Variants in SIX5 observed in about 807,000 individuals in gnomAD.
The protein encoded by SIX5 is homeobox protein SIX5.
SIX5 carries 21 observed loss-of-function variants against 37.1 expected under a neutral mutation model. The ratio of observed to expected loss-of-function variants is 0.57; its 90% confidence interval spans 0.40 to 0.81. The LOEUF (loss-of-function observed/expected upper bound fraction) is 0.81, where lower values mean the gene tolerates loss of function less well. Among genes scored for constraint, SIX5 ranks in the 40% least tolerant of loss-of-function variants. The pLI is 0.00. For synonymous variants in SIX5, 626 were observed against 505.9 expected (o/e 1.24, Z -3.19); for missense variants, 1,137 against 1,025.1 (o/e 1.11, Z -1.49).
At position 45,765,532 on chromosome 19, in the gene SIX5, G is replaced by A. The variant is rs150045306; in HGVS notation, c.2189C>T (p.Ser730Leu). Residue 730 changes from serine (S) to leucine (L), a missense_variant, in exon 3 of 3, where the codon TCG (serine) becomes TTG (leucine). Coordinates refer to ENST00000317578, the MANE Select transcript of SIX5 (RefSeq NM_175875.5). Reference protein sequence around the residue: ...AEAKVLTQLQSVPVEEPLEL With the variant: ...AEAKVLTQLQLVPVEEPLEL ...TTCCAAGGGCTCCTCCACAGGCACCGACTGGAGCTGGGTCAGAACCTTGGC... is the reference window on the plus strand; with the variant it reads ...TTCCAAGGGCTCCTCCACAGGCACCAACTGGAGCTGGGTCAGAACCTTGGC... The A allele has an allele frequency of 7.4e-5, 119 of 1,613,280 alleles. 1 individual carries two copies. The highest frequency in any genetic ancestry group is 1.7e-4 in the Middle Eastern group (1 of 6,054).
chr19:45,769,109 C>T lies in SIX5; in HGVS notation c.-265G>A. On this transcript the variant is annotated 5_prime_UTR_variant, in exon 1 of 3. Coordinates refer to ENST00000317578, the MANE Select transcript of SIX5 (RefSeq NM_175875.5). Reference sequence around the variant, plus strand: ...GCCTCTGGCCGCGCTTTCTGCCTCCCCCCAGCGTGTGCTTCTGGCTCAGGG... The same window carrying T: ...GCCTCTGGCCGCGCTTTCTGCCTCCTCCCAGCGTGTGCTTCTGGCTCAGGG... The T allele has an allele frequency of 4.0e-6, 2 of 500,674 alleles. No homozygotes were observed. The highest frequency in any genetic ancestry group is 5.3e-4 in the Middle Eastern group (1 of 1,892). The allele number at this position is 500,674 out of a possible 1,614,324, so 31.0% of individuals were successfully genotyped here.
intron 1 of SIX5, 76 bp from the exon 2 acceptor site, chr19:45,767,231 C>A (rs548263982): frequency 1.1e-5 from 16 of 1,476,770 alleles, no homozygotes; most frequent in Non-Finnish European, 1.4e-5. Flanking sequence ...GCTGCTCCCC[C>A]ACCTTTCCCT....
chr19:45,765,253 T>G lies in SIX5; in HGVS notation c.*248A>C. 1 of 590,366 alleles carries G rather than the reference T, an allele frequency of 1.7e-6. No homozygotes were observed. Among genetic ancestry groups the G allele is most frequent in the Non-Finnish European group, 3.0e-6 (1 of 329,076 alleles). 36.6% of individuals were successfully genotyped at this position (590,366 alleles called of 1,614,324 possible). A position where few individuals can be genotyped will look rare whatever the true frequency, so the allele number is the denominator to read the frequency against. On this transcript the variant is annotated 3_prime_UTR_variant, in exon 3 of 3. Coordinates refer to ENST00000317578, the MANE Select transcript of SIX5 (RefSeq NM_175875.5). ...GAGTCAGGACCCTGAGTCCCCCACG[T>G]ATATGGCAGGGCACAGCATGGGGAG...
At position 45,768,076 on chromosome 19, in the gene SIX5, G is replaced by T. The variant is rs1229558496; in HGVS notation, c.769C>A (p.Arg257=). The part of the protein sequence containing the change: ...NWFKNRRQRD[R]TGAGGGAPCK... ...GGCGCGCCGCCTCCGGCCCCGGTCCGGTCGCGCTGTCGCCGGTTCTTGAAC... is the reference window on the plus strand; with the variant it reads ...GGCGCGCCGCCTCCGGCCCCGGTCCTGTCGCGCTGTCGCCGGTTCTTGAAC... Residue 257 remains arginine, a synonymous_variant, in exon 1 of 3, where the codon CGG becomes AGG. Coordinates refer to ENST00000317578, the MANE Select transcript of SIX5 (RefSeq NM_175875.5). 9 of 1,599,500 alleles carry T rather than the reference G, an allele frequency of 5.6e-6. No individual in the cohort carries two copies. The highest frequency in any genetic ancestry group is 7.6e-6 in the Non-Finnish European group (9 of 1,177,986).
chr19:45,767,032 G>A lies in SIX5; in HGVS notation c.927C>T (p.Thr309=), dbSNP rs369145249. ...AAGCCGGGCAAGGCGCGGGAGGGCC[G>A]GTCCCTGCCAGGAATATGGAGCCCT... is the stretch of plus-strand genomic sequence containing the variant. ...AAQGSIFLAG[T]GPPAPCPASS... is the part of the protein sequence containing the mutation. Residue 309 remains threonine, a synonymous_variant, in exon 2 of 3, where the codon ACC becomes ACT. Coordinates refer to ENST00000317578, the MANE Select transcript of SIX5 (RefSeq NM_175875.5). 12 of 1,609,350 alleles carry A rather than the reference G, an allele frequency of 7.5e-6. No homozygotes were observed. Among genetic ancestry groups the A allele is most frequent in the Admixed American group, 3.3e-5 (2 of 59,874 alleles).
At position 45,767,889 on chromosome 19, in the gene SIX5, C is replaced by T. The variant is rs958681532; in HGVS notation, c.803+153G>A. The T allele has an allele frequency of 2.2e-4, 172 of 791,424 alleles. No individual in the cohort carries two copies. The East Asian group carries it at 4.6e-3, about 21-fold the overall frequency. The allele number at this position is 791,424 out of a possible 1,614,324, so 49.0% of individuals were successfully genotyped here. On this transcript the variant is annotated intron_variant, in intron 1 of 2. Transcript: ENST00000317578. Reference sequence around the variant, plus strand: ...GTGCCTGTCCCGTCCACACTTAGTCCCCGCGCCCCGCGGGCGCCTGAGATT... The same window carrying T: ...GTGCCTGTCCCGTCCACACTTAGTCTCCGCGCCCCGCGGGCGCCTGAGATT...
chr19:45,764,804 CTT>C lies in SIX5; in HGVS notation c.*695_*696del, dbSNP rs1370250149. 1 of 155,924 alleles carries C rather than the reference CTT, an allele frequency of 6.4e-6. No homozygotes were observed. The highest frequency in any genetic ancestry group is 1.4e-5 in the Non-Finnish European group (1 of 70,120). 9.7% of individuals were successfully genotyped at this position (155,924 alleles called of 1,614,324 possible). A position where few individuals can be genotyped will look rare whatever the true frequency, so the allele number is the denominator to read the frequency against. On this transcript the variant is annotated 3_prime_UTR_variant, in exon 3 of 3. Coordinates refer to ENST00000317578, the MANE Select transcript of SIX5 (RefSeq NM_175875.5). ...CCCTGGTGGTGGTGTAATCCGATAA[CTT>C]TATTTTAATTGAAAATGGAGGCATA...
chr19:45,765,779 G>C lies in SIX5; in HGVS notation c.1942C>G (p.Pro648Ala). 6.2e-7 allele frequency: 1 copy of C among 1,608,082 alleles called. No individual in the cohort carries two copies. Residue 648 changes from proline to alanine, a missense_variant, in exon 3 of 3, where the codon CCG becomes GCG. By Grantham distance (27) the Pro-to-Ala change is conservative. Around this residue, in one of 3 missense-constraint regions of SIX5, gnomAD observed 787 missense variants for 621.4 expected, o/e 1.27. Transcript: ENST00000317578. The part of the protein sequence containing the change: ...PDSPGLLPNF[P>A]APPPEGLMLS... ...ATCAGCCCCTCTGGTGGGGGCGCCG[G>C]GAAGTTGGGCAGGAGGCCAGGGGAG... is the stretch of plus-strand genomic sequence containing the variant.
At position 45,768,279 on chromosome 19, in the gene SIX5, C is replaced by T. The variant is rs766572452; in HGVS notation, c.566G>A (p.Arg189His). Reference sequence around the variant, plus strand: ...GGTCTTGGGCAGCGGGAACTTCTTGCGCAGTCGATACTTGTCCACTGCGCC... The same window carrying T: ...GGTCTTGGGCAGCGGGAACTTCTTGTGCAGTCGATACTTGTCCACTGCGCC... ...ALGAVDKYRL[R>H]KKFPLPKTIW... The change falls in exon 1 of 3, where the codon CGC (arginine) becomes CAC (histidine). Residue 189 changes from arginine to histidine, a missense_variant. Physicochemically the swap from Arg to His is conservative, Grantham distance 29 (BLOSUM62 0). This residue lies in a region of SIX5 where 331 missense variants were observed against 360.9 expected (regional missense o/e 0.92). Transcript: ENST00000317578. The T allele has an allele frequency of 1.9e-6, 3 of 1,612,428 alleles. No individual in the cohort carries two copies. Among genetic ancestry groups the T allele is most frequent in the South Asian group, 1.1e-5 (1 of 90,920 alleles).
intron 1 of SIX5, chr19:45,767,817 T>G (rs936368014): frequency 1.7e-6 from 1 of 581,366 alleles, no homozygotes; most frequent in Non-Finnish European, 3.0e-6. Flanking sequence ...GAGCTCGGAA[T>G]GGAGCCGCTG....
Position 45,765,765 on chromosome 19 carries a change from T to C in SIX5, c.1956A>G (p.Pro652=), listed in dbSNP as rs1969056613. The C allele has an allele frequency of 1.2e-6, 2 of 1,609,702 alleles. No individual in the cohort carries two copies. Among genetic ancestry groups the C allele is most frequent in the Admixed American group, 1.7e-5 (1 of 60,014 alleles). ...CCGCGGGTGACAACATCAGCCCCTC[T>C]GGTGGGGGCGCCGGGAAGTTGGGCA... The part of the protein sequence containing the change: ...GLLPNFPAPP[P]EGLMLSPAAV... The change falls in exon 3 of 3, where the codon CCA becomes CCG. Residue 652 remains proline, a synonymous_variant. Coordinates refer to ENST00000317578, the MANE Select transcript of SIX5 (RefSeq NM_175875.5).
chr19:45,766,986 C>G lies in SIX5; in HGVS notation c.973G>C (p.Gly325Arg), dbSNP rs779429367. ...GAGCCGCTGGCTGCCAGGAAGCTCC[C>G]GTTCACCAGGATGGAGGAGGAAGCC... The part of the protein sequence containing the change: ...CPASSSILVN[G>R]SFLAASGSPA... The change falls in exon 2 of 3, where the codon GGG becomes CGG. Residue 325 changes from glycine (G) to arginine (R), a missense_variant. Gly to Arg is a moderately radical substitution (Grantham distance 125, BLOSUM62 -2). Transcript: ENST00000317578. 1 of 1,602,232 alleles carries G rather than the reference C, an allele frequency of 6.2e-7. No individual in the cohort carries two copies. Among genetic ancestry groups the G allele is most frequent in the South Asian group, 1.1e-5 (1 of 89,778 alleles).
chr19:45,768,944 G>A lies in SIX5; in HGVS notation c.-100C>T, dbSNP rs1969162659. 4.3e-6 allele frequency: 4 copies of A among 925,074 alleles called. No homozygotes were observed. The highest frequency in any genetic ancestry group is 7.7e-5 in the African/African-American group (2 of 26,068). The allele number at this position is 925,074 out of a possible 1,614,324, so 57.3% of individuals were successfully genotyped here. A position where few individuals can be genotyped will look rare whatever the true frequency, so the allele number is the denominator to read the frequency against. ...TCCCCCCTTTTCGCCCCCACTCCCCGCTCTTCTCGATCTTCTTTCTGGCCG... is the reference window on the plus strand; with the variant it reads ...TCCCCCCTTTTCGCCCCCACTCCCCACTCTTCTCGATCTTCTTTCTGGCCG... On this transcript the variant is annotated 5_prime_UTR_variant, in exon 1 of 3. Transcript: ENST00000317578.
intron 2 of SIX5, 90 bp downstream of exon 2, chr19:45,766,260 C>T: frequency 6.7e-7 from 1 of 1,495,664 alleles, no homozygotes; most frequent in South Asian, 1.2e-5. Context: ...GAGATGCCCT[C>T]CAGGAGCCCA....
chr19:45,765,409 T>C lies in SIX5; in HGVS notation c.*92A>G, dbSNP rs1969048145. 6.3e-7 allele frequency: 1 copy of C among 1,587,598 alleles called. No homozygotes were observed. The highest frequency in any genetic ancestry group is 2.2e-5 in the East Asian group (1 of 44,770). On this transcript the variant is annotated 3_prime_UTR_variant, in exon 3 of 3. Coordinates refer to ENST00000317578, the MANE Select transcript of SIX5 (RefSeq NM_175875.5). The stretch of plus-strand genomic sequence containing the variant: ...GCAGAAGGATGTGGTGACTGGGGTC[T>C]TCAGCAACCGCATTTCTGGGGCTCC...
chr19:45,768,437 C>T lies in SIX5; in HGVS notation c.408G>A (p.Gln136=). ...GGTAGAGCTCGGCGTACTCGCCCCGCTGGAAGGCCACCAGGGCCCGCGCGC... is the reference window on the plus strand; with the variant it reads ...GGTAGAGCTCGGCGTACTCGCCCCGTTGGAAGGCCACCAGGGCCCGCGCGC... ...VLRARALVAF[Q]RGEYAELYRL... is the part of the protein sequence containing the mutation. Residue 136 remains glutamine (Q), a synonymous_variant, in exon 1 of 3, where the codon CAG becomes CAA. Transcript: ENST00000317578. 3 of 1,536,624 alleles carry T rather than the reference C, an allele frequency of 2.0e-6. No homozygotes were observed. Among genetic ancestry groups the T allele is most frequent in the Non-Finnish European group, 8.7e-7 (1 of 1,148,052 alleles).
chr19:45,766,016 T>G lies in SIX5; in HGVS notation c.1705A>C (p.Thr569Pro). The G allele has an allele frequency of 6.2e-7, 1 of 1,608,460 alleles. No individual in the cohort carries two copies. Among genetic ancestry groups the G allele is most frequent in the Admixed American group, 1.7e-5 (1 of 59,366 alleles). ...GKIILTATFP[T>P]SMLVSQVLPP... Reference sequence around the variant, plus strand: ...AGGACCTGGGAGACGAGCATGCTGGTGGGGAAGGTGGCGGTGAGGATGATC... The same window carrying G: ...AGGACCTGGGAGACGAGCATGCTGGGGGGGAAGGTGGCGGTGAGGATGATC... Residue 569 changes from threonine to proline, a missense_variant, in exon 3 of 3, where the codon ACC becomes CCC. By Grantham distance (38) the Thr-to-Pro change is conservative. Coordinates refer to ENST00000317578, the MANE Select transcript of SIX5 (RefSeq NM_175875.5).
At chr19:45,766,222 C>A in intron 2 of SIX5, 111 bp from the exon 3 acceptor site, 1 of 1,502,000 alleles carries the variant, frequency 6.7e-7, no homozygotes, top group South Asian at 1.3e-5. Context: ...TTGTGGTGGG[C>A]CTTGGGGCAC....
Position 45,765,715 on chromosome 19 carries a change from A to G in SIX5, c.2006T>C (p.Leu669Pro). The change falls in exon 3 of 3, where the codon CTG becomes CCG. Residue 669 changes from leucine (L) to proline (P), a missense_variant. Physicochemically the swap from Leu to Pro is moderately conservative, Grantham distance 98 (BLOSUM62 -3). Around this residue, in one of 3 missense-constraint regions of SIX5, gnomAD observed 787 missense variants for 621.4 expected, o/e 1.27. Transcript: ENST00000317578. ...CCCCTCTGTTCCTGCGCTTAGTTCC[A>G]GCCCTGCTGACCAGACAGGCACGGC... ...PAAVPVWSAGLELSAGTEGLL... is the reference protein window; with the variant it reads ...PAAVPVWSAGPELSAGTEGLL... 1 of 1,612,874 alleles carries G rather than the reference A, an allele frequency of 6.2e-7. No homozygotes were observed. Among genetic ancestry groups the G allele is most frequent in the Non-Finnish European group, 8.5e-7 (1 of 1,179,972 alleles).
Sources: gnomAD v4.1 joint callset for allele counts on GRCh38, gnomAD v4.1.1 for gene constraint, gnomAD v4.1.1 regional missense constraint, MANE v1.5 for transcripts, NCBI Gene and HGNC (gene_info 2026-07-23, HGNC 2026-07-21) for gene names.